The following MYO5B variants were observed in gnomAD, a reference collection of about 807,000 sequenced individuals.
MYO5B encodes myosin VB, also known as unconventional myosin-Vb.
Under a neutral mutation model 229.3 loss-of-function variants are expected in MYO5B, and 143 were observed. The observed-to-expected ratio is 0.62, with a 90% CI of 0.54 to 0.72. The LOEUF is 0.72. Ranked by LOEUF, MYO5B falls within the 30% of genes least tolerant of loss-of-function variation. The pLI is 0.00. For missense variants in MYO5B, 2,321 were observed against 2,331.0 expected (o/e 1.00, Z 0.09); for synonymous variants, 918 against 885.2 (o/e 1.04, Z -0.66).
rs564631321 is a variant in MYO5B, at chr18:49,845,844, T to C, written c.4459+1302A>G. Among the ~76,000 whole-genome samples, 15 of 152,250 alleles carry C rather than the reference T, an allele frequency of 9.9e-5. 1 individual carries two copies. In the South Asian group the frequency reaches 2.5e-3, roughly 25 times the overall value. ...CTGGAGGGGAGGGAGCTGGTACGACTGGCAAAGCAGCACTGGGCACAAACC... is the reference window on the plus strand; with the variant it reads ...CTGGAGGGGAGGGAGCTGGTACGACCGGCAAAGCAGCACTGGGCACAAACC... On this transcript the variant is annotated intron_variant, in intron 33 of 39. Transcript: ENST00000285039.
chr18:50,013,263 C>T (rs1486600207), intron 4 of MYO5B, among the ~76,000 whole-genome samples: 1 of 152,182 alleles, frequency 6.6e-6, no homozygotes, highest in African/African-American at 2.4e-5. Flanking sequence ...TTGAAGAATA[C>T]TACCCACTTT....
At chr18:49,983,550 C>A (rs1174555494) in intron 8 of MYO5B, among the ~76,000 whole-genome samples, 2 of 152,226 alleles carry the variant, frequency 1.3e-5, no homozygotes, top group Admixed American at 6.5e-5. Context: ...GCTGTTCTTC[C>A]CCCACCACCC....
chr18:49,957,541 G>T (rs1389021677), intron 12 of MYO5B, among the ~76,000 whole-genome samples: 2 of 152,150 alleles, frequency 1.3e-5, no homozygotes, highest in Non-Finnish European at 2.9e-5. Flanking sequence ...AGCTACTGGG[G>T]AGACTAAGGC....
At chr18:50,046,564 T>C (rs2144402719) in intron 2 of MYO5B, among the ~76,000 whole-genome samples, 1 of 152,298 alleles carries the variant, frequency 6.6e-6, no homozygotes, top group Non-Finnish European at 1.5e-5. Context: ...TTACAACAGC[T>C]ATCCTAGAAG....
At chr18:50,101,528 C>A (rs908955956) in intron 1 of MYO5B, among the ~76,000 whole-genome samples, 1 of 151,856 alleles carries the variant, frequency 6.6e-6, no homozygotes, top group African/African-American at 2.4e-5. Flanking sequence ...CCAGAATCTA[C>A]AAGAAACTTA....
intron 21 of MYO5B, among the ~76,000 whole-genome samples, chr18:49,900,111 G>A (rs1242974113): frequency 6.6e-6 from 1 of 152,254 alleles, no homozygotes; most frequent in Non-Finnish European, 1.5e-5. Context: ...GCTCCCAGCA[G>A]GGTGCAGCGG....
At chr18:49,979,963 G>A (rs925366460) in intron 9 of MYO5B, among the ~76,000 whole-genome samples, 7 of 152,222 alleles carry the variant, frequency 4.6e-5, no homozygotes, top group African/African-American at 1.7e-4. Context: ...ACAGCTTGCA[G>A]TACTTTCACA....
chr18:49,930,639 T>C (rs1015716143), intron 16 of MYO5B, among the ~76,000 whole-genome samples: 4 of 152,108 alleles, frequency 2.6e-5, no homozygotes, highest in African/African-American at 7.2e-5. Context: ...ATGCCTGTAA[T>C]CCCAGTACTT....
chr18:50,048,297 AATACTCTG>A (rs1214125654), intron 2 of MYO5B, among the ~76,000 whole-genome samples: 1 of 152,164 alleles, frequency 6.6e-6, no homozygotes, highest in Non-Finnish European at 1.5e-5. Flanking sequence ...TGAAAAATAA[AATACTCTG>A]ATTTATGTAA....
intron 10 of MYO5B, among the ~76,000 whole-genome samples, chr18:49,974,088 G>C (rs888412369): frequency 6.6e-6 from 1 of 152,088 alleles, no homozygotes; most frequent in Admixed American, 6.5e-5. Flanking sequence ...ACGCTTACAG[G>C]GTTTCTCATT....
intron 1 of MYO5B, among the ~76,000 whole-genome samples, chr18:50,180,207 ACAG>A (rs1411404321): frequency 6.6e-6 from 1 of 152,186 alleles, no homozygotes; most frequent in Non-Finnish European, 1.5e-5. Flanking sequence ...GATTCAGCAG[ACAG>A]AGCTCCCTTC....
At chr18:50,040,391 G>A in intron 2 of MYO5B, 77 bp from the exon 3 acceptor site, 1 of 1,339,418 alleles carries the variant, frequency 7.5e-7, no homozygotes, top group Non-Finnish European at 1.1e-6. Context: ...TGTCTTCTTA[G>A]CTGGAATCAC....
Position 50,062,429 on chromosome 18 carries a change from G to GA in MYO5B, c.28-7052dup, listed in dbSNP as rs569957222. Among the ~76,000 whole-genome samples the GA allele has an allele frequency of 5.8e-3, 876 of 152,180 alleles. 8 individuals are homozygous for GA. The highest frequency in any genetic ancestry group is 0.019 in the African/African-American group (807 of 41,516). ...TGGTCTGTTCAGAAGAAAGAAGGAAGAAAAAACATTTCTAAACTAATAGTT... is the reference window on the plus strand; with the variant it reads ...TGGTCTGTTCAGAAGAAAGAAGGAAGAAAAAAACATTTCTAAACTAATAGTT... On this transcript the variant is annotated intron_variant, in intron 1 of 39. Transcript: ENST00000285039.
At chr18:49,975,908 T>C (rs1389028059) in intron 9 of MYO5B, among the ~76,000 whole-genome samples, 1 of 152,226 alleles carries the variant, frequency 6.6e-6, no homozygotes, top group Non-Finnish European at 1.5e-5. Flanking sequence ...TCACATCACC[T>C]GACATTTGAG....
chr18:50,105,128 A>ATGAGGC (rs1316093990), intron 1 of MYO5B, among the ~76,000 whole-genome samples: 2 of 151,950 alleles, frequency 1.3e-5, no homozygotes, highest in Non-Finnish European at 2.9e-5. Context: ...TCAGACCAAG[A>ATGAGGC]TGAGGCTGGA....
intron 4 of MYO5B, among the ~76,000 whole-genome samples, chr18:50,009,103 C>T (rs553840711): frequency 3.3e-5 from 5 of 152,278 alleles, no homozygotes; most frequent in East Asian, 3.9e-4. Context: ...ATGTGCCGAG[C>T]GCAGTGGCTC....
chr18:49,830,074 A>G (rs998311205), intron 39 of MYO5B, among the ~76,000 whole-genome samples: 5 of 152,118 alleles, frequency 3.3e-5, no homozygotes, highest in African/African-American at 1.2e-4. Flanking sequence ...AAGAAAAGAG[A>G]TAAGAGGCAG....
chr18:50,160,595 T>G (rs1445165808), intron 1 of MYO5B, among the ~76,000 whole-genome samples: 1 of 151,968 alleles, frequency 6.6e-6, no homozygotes, highest in Non-Finnish European at 1.5e-5. Flanking sequence ...CCATGAAAGG[T>G]CAGGTAGCCA....
At chr18:49,989,751 G>C (rs1215434728) in intron 7 of MYO5B, among the ~76,000 whole-genome samples, 2 of 152,216 alleles carry the variant, frequency 1.3e-5, no homozygotes, top group South Asian at 2.1e-4. Flanking sequence ...AGCAGCAGGA[G>C]TGGAAACAAA....
Sources: gnomAD v4.1 joint callset for allele counts (sites outside exome capture counted in the v4.1 genomes callset) on GRCh38, gnomAD v4.1.1 for gene constraint, MANE v1.5 for transcripts, NCBI Gene and HGNC (gene_info 2026-07-23, HGNC 2026-07-21) for gene names.